The following FOXP2 variants were observed in gnomAD, a reference collection of about 807,000 sequenced individuals.
The protein encoded by FOXP2 is forkhead box protein P2.
Under a neutral mutation model 115.8 loss-of-function variants are expected in FOXP2, and 12 were observed. The observed-to-expected ratio is 0.10, with a 90% confidence interval of 0.07 to 0.17. The LOEUF (loss-of-function observed/expected upper bound fraction) is 0.17. Ranked by LOEUF, FOXP2 falls within the 10% of genes least tolerant of loss-of-function variation. The pLI, the probability that FOXP2 is intolerant of heterozygous loss-of-function variation, is 1.00. For missense variants in FOXP2, 629 were observed against 843.5 expected (o/e 0.75, Z 3.15); for synonymous variants, 328 against 297.7 (o/e 1.10, Z -1.05).
Position 114,691,746 on chromosome 7 carries a change from G to T in FOXP2, c.*1820G>T, listed in dbSNP as rs1048130086. The T allele has an allele frequency of 1.5e-5, 7 of 453,746 alleles. 1 individual carries two copies. The Admixed American group carries it at 1.6e-4, about 11-fold the overall frequency. 28.1% of individuals were successfully genotyped at this position (453,746 alleles called of 1,614,324 possible). ...AGGTGGCTGCTAGAGCTTAACATAC[G>T]TTCCCGTTCCATGTGATGGAACCGG... On this transcript the variant is annotated 3_prime_UTR_variant, in exon 17 of 17. Transcript: ENST00000350908.
At chr7:114,360,350 T>C (rs991542884) in intron 2 of FOXP2, among the ~76,000 whole-genome samples, 2 of 152,162 alleles carry the variant, frequency 1.3e-5, no homozygotes, top group African/African-American at 2.4e-5. Flanking sequence ...AATGGACTAC[T>C]ACATCCTTCC....
intron 2 of FOXP2, among the ~76,000 whole-genome samples, chr7:114,492,509 G>C (rs1318006468): frequency 6.6e-6 from 1 of 151,986 alleles, no homozygotes; most frequent in African/African-American, 2.4e-5. Context: ...ATGTTAGGGT[G>C]TCAATTTTAT....
intron 1 of FOXP2, among the ~76,000 whole-genome samples, chr7:114,209,709 G>A (rs1017714221): frequency 2.6e-5 from 4 of 152,128 alleles, no homozygotes; most frequent in African/African-American, 9.7e-5. Flanking sequence ...TTAGGTTGGG[G>A]AAGTTCTCCT....
chr7:114,245,674 T>C lies in FOXP2; in HGVS notation c.-101-42345T>C, dbSNP rs113857389. 1.1e-3 allele frequency among the ~76,000 whole-genome samples: 168 copies of C among 152,334 alleles called. 1 individual carries two copies. The highest frequency in any genetic ancestry group is 3.8e-3 in the African/African-American group (158 of 41,590). ...TTTTCAATTTATCTCAGATTATTCATAGAGCTGAAGATGCCGTGTATCAAG... is the reference window on the plus strand; with the variant it reads ...TTTTCAATTTATCTCAGATTATTCACAGAGCTGAAGATGCCGTGTATCAAG... On this transcript the variant is annotated intron_variant, in intron 1 of 17. Coordinates refer to the FOXP2 transcript ENST00000634411.
At chr7:114,336,567 G>T (rs1797858006) in intron 2 of FOXP2, among the ~76,000 whole-genome samples, 1 of 151,286 alleles carries the variant, frequency 6.6e-6, no homozygotes, top group Admixed American at 6.6e-5. Flanking sequence ...TTGAAATAAG[G>T]ATTTCTTGCA....
intron 2 of FOXP2, among the ~76,000 whole-genome samples, chr7:114,435,409 G>A (rs2129209311): frequency 6.6e-6 from 1 of 152,260 alleles, no homozygotes; most frequent in East Asian, 1.9e-4. Flanking sequence ...GCAGAATATT[G>A]AGGACCATTC....
intron 2 of FOXP2, among the ~76,000 whole-genome samples, chr7:114,301,910 C>T (rs1293839511): frequency 6.6e-6 from 1 of 152,064 alleles, no homozygotes; most frequent in African/African-American, 2.4e-5. Flanking sequence ...TTTTAGGCAG[C>T]TCATTGAAGG....
chr7:114,663,690 G>A (rs1209252403), intron 15 of FOXP2, among the ~76,000 whole-genome samples, 171 bp downstream of exon 15: 1 of 149,646 alleles, frequency 6.7e-6, no homozygotes, highest in East Asian at 2.0e-4. Context: ...AGCTACTTTT[G>A]ATGTGAAGAA....
chr7:114,659,598 G>A lies in FOXP2; in HGVS notation c.1572G>A (p.Gln524=). ...CTATCATGGAGTCATCTGACAGGCA[G>A]TTAACACTTAATGAAATTTACAGCT... ...RQAIMESSDR[Q]LTLNEIYSWF... Residue 524 remains glutamine (Q), a synonymous_variant, in exon 13 of 17, where the codon CAG becomes CAA. Coordinates refer to ENST00000350908, the MANE Select transcript of FOXP2 (RefSeq NM_014491.4). 13 of 1,613,674 alleles carry A rather than the reference G, an allele frequency of 8.1e-6. No individual in the cohort carries two copies. The highest frequency in any genetic ancestry group is 1.0e-5 in the Non-Finnish European group (12 of 1,179,720).
intron 1 of FOXP2, among the ~76,000 whole-genome samples, chr7:114,238,571 G>A (rs535124216): frequency 6.6e-6 from 1 of 152,172 alleles, no homozygotes; most frequent in African/African-American, 2.4e-5. Flanking sequence ...TTGGGAATTC[G>A]AGACCAGCCT....
At chr7:114,261,189 A>G (rs1562842376) in intron 1 of FOXP2, among the ~76,000 whole-genome samples, 3 of 152,192 alleles carry the variant, frequency 2.0e-5, no homozygotes, top group African/African-American at 4.8e-5. Context: ...GAGCTCATCA[A>G]ATGAAAGGTG....
At chr7:114,626,700 A>G (rs148390600) in intron 3 of FOXP2, among the ~76,000 whole-genome samples, 1,523 of 151,768 alleles carry the variant, frequency 0.01, 21 homozygotes, top group African/African-American at 0.035. Context: ...GTATGAGGTA[A>G]ATGATTGTTC....
chr7:114,560,073 A>G (rs1431780335), intron 3 of FOXP2, among the ~76,000 whole-genome samples: 1 of 152,170 alleles, frequency 6.6e-6, no homozygotes, highest in Non-Finnish European at 1.5e-5. Flanking sequence ...TTTAATAAAA[A>G]GAAAAGTGTT....
rs777873442 is a variant in FOXP2 at position 114,485,563 on chromosome 7, A to C, written c.169-49054A>C. On this transcript the variant is annotated intron_variant, in intron 2 of 16. Transcript: ENST00000350908. The stretch of plus-strand genomic sequence containing the variant: ...AAATCTGTACATTTAGGTATCCTTG[A>C]AAATTAAGTTGAAATCTAGACAATA... 2.0e-5 allele frequency among the ~76,000 whole-genome samples: 3 copies of C among 152,020 alleles called. No homozygotes were observed. In the East Asian group the frequency reaches 5.8e-4, roughly 29 times the overall value.
chr7:114,466,079 C>G (rs547566863), intron 2 of FOXP2, among the ~76,000 whole-genome samples: 1 of 152,286 alleles, frequency 6.6e-6, no homozygotes, highest in South Asian at 2.1e-4. Context: ...TGGAGCTTCT[C>G]TTCTTGTTCC....
chr7:114,652,470 T>A (rs1806322881), intron 9 of FOXP2, among the ~76,000 whole-genome samples, 180 bp downstream of exon 9: 1 of 152,070 alleles, frequency 6.6e-6, no homozygotes, highest in Non-Finnish European at 1.5e-5. Flanking sequence ...CCAGGAAGGA[T>A]TGCTGTAGTT....
At chr7:114,480,653 G>T (rs532753798) in intron 2 of FOXP2, among the ~76,000 whole-genome samples, 1 of 149,910 alleles carries the variant, frequency 6.7e-6, no homozygotes, top group East Asian at 2.0e-4. Context: ...GCATATGTGT[G>T]TATACGTATA....
intron 1 of FOXP2, among the ~76,000 whole-genome samples, chr7:114,192,640 G>A (rs954682486): frequency 6.6e-6 from 1 of 152,126 alleles, no homozygotes; most frequent in Admixed American, 6.6e-5. Context: ...AGTGTATATT[G>A]CAATCAGTTG....
chr7:114,624,921 AT>A (rs927765972), intron 3 of FOXP2, among the ~76,000 whole-genome samples: 58 of 147,568 alleles, frequency 3.9e-4, no homozygotes, highest in South Asian at 1.7e-3. Context: ...TAATACCTAA[AT>A]TTTTTTTTTT....
Sources: allele counts gnomAD v4.1 joint callset (sites outside exome capture counted in the v4.1 genomes callset), GRCh38; gene constraint gnomAD v4.1.1; transcripts MANE v1.5; gene names NCBI Gene and HGNC (gene_info 2026-07-23, HGNC 2026-07-21).